Variants in KIFC2 observed in about 807,000 individuals in gnomAD.
KIFC2 encodes the protein kinesin-like protein KIFC2.
KIFC2 carries 94 observed loss-of-function variants against 91.5 expected under a neutral mutation model. The observed-to-expected ratio is 1.03, with a 90% CI of 0.87 to 1.22. The LOEUF (loss-of-function observed/expected upper bound fraction) is 1.22, where lower values mean the gene tolerates loss of function less well. Among genes scored for constraint, KIFC2 ranks in the 50% most tolerant of loss-of-function variants. The pLI is 0.00. For missense variants in KIFC2, 1,357 were observed against 1,103.3 expected, an observed-to-expected ratio of 1.23 and a Z score of -3.26; for synonymous variants, 729 against 503.9, an observed-to-expected ratio of 1.45 and a Z score of -5.98.
chr8:144,469,792 G>T lies in KIFC2; in HGVS notation c.1380+145G>T, dbSNP rs115077221. The T allele has an allele frequency of 8.6e-5, 91 of 1,063,942 alleles. No homozygotes were observed. In the Admixed American group the frequency reaches 1.3e-3, roughly 15 times the overall value. The allele number at this position is 1,063,942 out of a possible 1,614,324, so 65.9% of individuals were successfully genotyped here. ...CTCTAGCCAGGAAGGAAAGGGAACC[G>T]AGGGGGCTGGGAAGCAGGGCAGGCA... On this transcript the variant is annotated intron_variant, in intron 12 of 17. Transcript: ENST00000645548.
chr8:144,469,565 G>A lies in KIFC2; in HGVS notation c.1298G>A (p.Gly433Asp), dbSNP rs1311333671. Residue 433 changes from glycine (G) to aspartate (D), a missense_variant, in exon 12 of 18, where the codon GGC (glycine) becomes GAC (aspartate). Coordinates refer to ENST00000645548, the MANE Select transcript of KIFC2 (RefSeq NM_001369769.2). ...GTGAGTGTGGAGCCTGGCCCAGGGGGCACCGTCACCACCTGCTACCGGGGG... is the reference window on the plus strand; with the variant it reads ...GTGAGTGTGGAGCCTGGCCCAGGGGACACCGTCACCACCTGCTACCGGGGG... ...SLVSVEPGPG[G>D]TVTTCYRGRH... The A allele has an allele frequency of 6.2e-7, 1 of 1,613,582 alleles. No individual in the cohort carries two copies. Among genetic ancestry groups the A allele is most frequent in the Non-Finnish European group, 8.5e-7 (1 of 1,179,934 alleles).
In KIFC2 at chr8:144,467,183, G is replaced by T; in HGVS notation, c.331-20G>T. 6.2e-7 allele frequency: 1 copy of T among 1,613,398 alleles called. No individual in the cohort carries two copies. The highest frequency in any genetic ancestry group is 1.1e-5 in the South Asian group (1 of 91,090). ...TTCCTGGCTTTCACAGCCCTGCTCG[G>T]ATTCTTGTCTCCTTCGCAGTCTGGC... On this transcript the variant is annotated intron_variant, in intron 3 of 17. Coordinates refer to ENST00000645548, the MANE Select transcript of KIFC2 (RefSeq NM_001369769.2).
rs1168375626 is a variant in KIFC2, at chr8:144,466,958, G to A, written c.179-1G>A. ...CTCCCGCCCTCCTCCCTGACCGGCA[G>A]CCAGCTCCGAGCCTGAGGATGGGTC... On this transcript the variant is annotated splice_acceptor_variant, in intron 2 of 17. Coordinates refer to ENST00000645548, the MANE Select transcript of KIFC2 (RefSeq NM_001369769.2). LOFTEE classifies it high-confidence loss of function. 1.3e-6 allele frequency: 2 copies of A among 1,591,782 alleles called. No homozygotes were observed. The highest frequency in any genetic ancestry group is 2.2e-5 in the East Asian group (1 of 44,504).
Position 144,467,850 on chromosome 8 carries a change from C to G in KIFC2, c.682-9C>G. On this transcript the variant is annotated splice_polypyrimidine_tract_variant and intron_variant, in intron 6 of 17. Coordinates refer to ENST00000645548, the MANE Select transcript of KIFC2 (RefSeq NM_001369769.2). ...CTTCAGGTGAGTGCCGAGGTTTCCT[C>G]TCCACCAGGGGGCGACGGACTCAGA... 1 of 1,613,496 alleles carries G rather than the reference C, an allele frequency of 6.2e-7. No individual in the cohort carries two copies. The highest frequency in any genetic ancestry group is 8.5e-7 in the Non-Finnish European group (1 of 1,179,844).
chr8:144,467,655 A>G (rs1414544843), intron 5 of KIFC2, 25 bp downstream of exon 5: 11 of 1,604,972 alleles, frequency 6.9e-6, no homozygotes, highest in Non-Finnish European at 8.5e-6. Flanking sequence ...GCCAGAAGGG[A>G]TTGCCGGCTG....
In KIFC2 at chr8:144,473,067, G is replaced by C; in HGVS notation, c.2118+16G>C. On this transcript the variant is annotated intron_variant, in intron 17 of 17. Transcript: ENST00000645548. ...GCTGCTGCAGGTGGGCGCCGGGGCG[G>C]GGCAGGTGTGTGCGTGCCGGTCGCC... 2 of 1,499,036 alleles carry C rather than the reference G, an allele frequency of 1.3e-6. No homozygotes were observed. The highest frequency in any genetic ancestry group is 1.8e-6 in the Non-Finnish European group (2 of 1,126,244). The allele number at this position is 1,499,036 out of a possible 1,614,324, so 92.9% of individuals were successfully genotyped here.
At chr8:144,468,222 G>A (rs1824767111) in intron 7 of KIFC2, 107 bp from the exon 8 acceptor site, 6 of 1,120,344 alleles carry the variant, frequency 5.4e-6, no homozygotes. Context: ...TGGGAGGCAT[G>A]GGTTCACAGC....
Position 144,466,944 on chromosome 8 carries a change from C to T in KIFC2, c.179-15C>T, listed in dbSNP as rs777789795. ...GTGACCCGAAATGTCTCCCGCCCTC[C>T]TCCCTGACCGGCAGCCAGCTCCGAG... On this transcript the variant is annotated splice_polypyrimidine_tract_variant and intron_variant, in intron 2 of 17. Coordinates refer to ENST00000645548, the MANE Select transcript of KIFC2 (RefSeq NM_001369769.2). The T allele has an allele frequency of 4.4e-5, 70 of 1,587,066 alleles. No homozygotes were observed. Among genetic ancestry groups the T allele is most frequent in the Admixed American group, 4.1e-4 (24 of 58,638 alleles).
intron 7 of KIFC2, 132 bp from the exon 8 acceptor site, chr8:144,468,197 A>T: frequency 9.8e-7 from 1 of 1,022,612 alleles, no homozygotes. Flanking sequence ...TGTGGGAAGG[A>T]GGTCTGCGTG....
Position 144,466,373 on chromosome 8 carries a change from G to T in KIFC2, c.-47G>T, listed in dbSNP as rs755641416. On this transcript the variant is annotated 5_prime_UTR_variant, in exon 1 of 18. Coordinates refer to ENST00000645548, the MANE Select transcript of KIFC2 (RefSeq NM_001369769.2). ...GGGCGGGCGCCGAGTCTGGGCGCGG[G>T]GACGCGGGGCGGCGCGAAGCGGGGC... 1 of 824,418 alleles carries T rather than the reference G, an allele frequency of 1.2e-6. No individual in the cohort carries two copies. The highest frequency in any genetic ancestry group is 4.9e-5 in the Admixed American group (1 of 20,578). The allele number at this position is 824,418 out of a possible 1,614,324, so 51.1% of individuals were successfully genotyped here. A position where few individuals can be genotyped will look rare whatever the true frequency, so the allele number is the denominator to read the frequency against.
At position 144,467,242 on chromosome 8, in the gene KIFC2, C is replaced by G; in HGVS notation, c.370C>G (p.Leu124Val). Residue 124 changes from leucine to valine, a missense_variant, in exon 4 of 18, where the codon CTC (leucine) becomes GTC (valine). Physicochemically the swap from Leu to Val is conservative, Grantham distance 32. Coordinates refer to ENST00000645548, the MANE Select transcript of KIFC2 (RefSeq NM_001369769.2). ...VPSLLTVTSQ[L>V]LALLAWLRSP... is the part of the protein sequence containing the mutation. Reference sequence around the variant, plus strand: ...CTCACTGTTGACAGTGACCAGTCAGCTCTTGGCCCTTCTGGCATGGCTTCG... The same window carrying G: ...CTCACTGTTGACAGTGACCAGTCAGGTCTTGGCCCTTCTGGCATGGCTTCG... 1 of 1,613,692 alleles carries G rather than the reference C, an allele frequency of 6.2e-7. No homozygotes were observed. Among genetic ancestry groups the G allele is most frequent in the Non-Finnish European group, 8.5e-7 (1 of 1,180,026 alleles).
chr8:144,468,134 A>AC (rs1242984799), intron 7 of KIFC2, 147 bp downstream of exon 7: 7 of 1,153,700 alleles, frequency 6.1e-6, no homozygotes, highest in African/African-American at 3.1e-5. Flanking sequence ...CAATGGGAAG[A>AC]CCCCCCTCTC....
In KIFC2 at chr8:144,469,600, C is replaced by T. The variant is rs1332200214; in HGVS notation, c.1333C>T (p.Arg445Ter). 6 of 1,611,932 alleles carry T rather than the reference C, an allele frequency of 3.7e-6. No individual in the cohort carries two copies. The Admixed American group carries it at 5.0e-5, about 13-fold the overall frequency. ...VTTCYRGRHR[R>*]FRLDWVFPPD... ...CACCTGCTACCGGGGGCGCCATCGTCGATTCCGCCTAGACTGGGTCTTCCC... is the reference window on the plus strand; with the variant it reads ...CACCTGCTACCGGGGGCGCCATCGTTGATTCCGCCTAGACTGGGTCTTCCC... Residue 445 changes from arginine (R) to a stop codon, truncating the protein, a stop_gained, in exon 12 of 18, where the codon CGA becomes TGA. Transcript: ENST00000645548. LOFTEE classifies it high-confidence loss of function.
Position 144,466,760 on chromosome 8 carries a change from A to G in KIFC2, c.100A>G (p.Arg34Gly). 1 of 1,530,134 alleles carries G rather than the reference A, an allele frequency of 6.5e-7. No homozygotes were observed. The highest frequency in any genetic ancestry group is 8.7e-7 in the Non-Finnish European group (1 of 1,145,416). The allele number at this position is 1,530,134 out of a possible 1,614,324, so 94.8% of individuals were successfully genotyped here. The stretch of plus-strand genomic sequence containing the variant: ...AGGGGCGCCCCTGCCCCCTCCCTAG[A>G]GAGCCCGCAAGCCCCGGGGTCGCCG... ...AAAEPGDPAQ[R>G]ARKPRGRRRP... Residue 34 changes from arginine to glycine, a missense_variant and splice_region_variant, in exon 2 of 18, where the codon AGA becomes GGA. Physicochemically the swap from Arg to Gly is moderately radical, Grantham distance 125 (BLOSUM62 -2). Transcript: ENST00000645548.
rs368277701 is a variant in KIFC2, at chr8:144,472,998, C to A, written c.2065C>A (p.Arg689=). The A allele has an allele frequency of 3.0e-4, 427 of 1,437,102 alleles. 2 individuals are homozygous for A. The African/African-American group carries it at 5.9e-3, about 20-fold the overall frequency. 89.0% of individuals were successfully genotyped at this position (1,437,102 alleles called of 1,614,324 possible). A position where few individuals can be genotyped will look rare whatever the true frequency, so the allele number is the denominator to read the frequency against. ...HVPFRDSQLT[R]LLQPALGPGT... ...GCCCTTCCGCGACTCGCAGCTCACG[C>A]GACTGCTGCAGCCGGCGCTGGGCCC... Residue 689 remains arginine (R), a synonymous_variant, in exon 17 of 18, where the codon CGA becomes AGA. Transcript: ENST00000645548.
Position 144,468,425 on chromosome 8 carries a change from G to A in KIFC2, c.888+19G>A, listed in dbSNP as rs542756170. The A allele has an allele frequency of 1.2e-5, 19 of 1,609,822 alleles. No individual in the cohort carries two copies. Among genetic ancestry groups the A allele is most frequent in the East Asian group, 2.2e-5 (1 of 44,744 alleles). ...AGCCCAGGTGGGCATGGGGCCCAGG[G>A]ATCCATGGCTCAGGGGTGAGGCGGG... On this transcript the variant is annotated intron_variant, in intron 8 of 17. Coordinates refer to ENST00000645548, the MANE Select transcript of KIFC2 (RefSeq NM_001369769.2).
chr8:144,472,068 A>G, intron 13 of KIFC2, 22 bp downstream of exon 13: 1 of 1,613,264 alleles, frequency 6.2e-7, no homozygotes, highest in Non-Finnish European at 8.5e-7. Flanking sequence ...CTCACGCCCC[A>G]GTGGGAGAGG....
intron 10 of KIFC2, 77 bp downstream of exon 10, chr8:144,468,911 G>T (rs569630689): frequency 1.6e-6 from 2 of 1,250,386 alleles, no homozygotes; most frequent in Non-Finnish European, 2.3e-6. Flanking sequence ...CGTTCCTGGG[G>T]AGTTGGCTGT....
Position 144,468,775 on chromosome 8 carries a change from G to A in KIFC2, c.1054G>A (p.Gly352Ser). The change falls in exon 10 of 18, where the codon GGT becomes AGT. Residue 352 changes from glycine (G) to serine (S), a missense_variant. Transcript: ENST00000645548. The stretch of plus-strand genomic sequence containing the variant: ...GCGTCAGGGCTGCGGGGACCTCCGA[G>A]GTTTGGTCAGCACCTTTACCCAGAG... ...SLRQGCGDLR[G>S]LVSTFTQSCQ... The A allele has an allele frequency of 3.1e-6, 5 of 1,614,080 alleles. No individual in the cohort carries two copies. The highest frequency in any genetic ancestry group is 4.2e-6 in the Non-Finnish European group (5 of 1,180,028).
Sources: gnomAD v4.1 joint callset for allele counts on GRCh38, gnomAD v4.1.1 for gene constraint, MANE v1.5 for transcripts, NCBI Gene and HGNC (gene_info 2026-07-23, HGNC 2026-07-21) for gene names.